Variants in SLC38A8 observed in about 807,000 individuals in gnomAD.
SLC38A8 encodes the protein solute carrier family 38 member 8, also known as amino acid transporter SLC38A8.
SLC38A8 carries 65 observed loss-of-function variants against 46.0 expected under a neutral mutation model. The observed-to-expected ratio is 1.41, with a 90% confidence interval of 1.16 to 1.74. SLC38A8 has a LOEUF of 1.74. Ranked by LOEUF, SLC38A8 falls within the 40% of genes most tolerant of loss-of-function variation. The pLI is 0.00. For synonymous variants in SLC38A8, 447 were observed against 243.7 expected (o/e 1.83, Z -7.77); for missense variants, 998 against 567.9 (o/e 1.76, Z -7.70).
At chr16:84,028,921 G>T (rs1442716919) in intron 6 of SLC38A8, among the ~76,000 whole-genome samples, 1 of 152,024 alleles carries the variant, frequency 6.6e-6, no homozygotes, top group Non-Finnish European at 1.5e-5. Context: ...CTGCCCCTCT[G>T]CCAGGATTCT....
At chr16:84,033,628 T>C (rs1333212083) in intron 3 of SLC38A8, among the ~76,000 whole-genome samples, 159 bp from the exon 4 acceptor site, 1 of 152,078 alleles carries the variant, frequency 6.6e-6, no homozygotes, top group Non-Finnish European at 1.5e-5. Flanking sequence ...ACAGGTCACG[T>C]GCCCCACGCA....
intron 3 of SLC38A8, among the ~76,000 whole-genome samples, chr16:84,036,041 C>T (rs2085296135): frequency 6.6e-6 from 1 of 152,206 alleles, no homozygotes; most frequent in Non-Finnish European, 1.5e-5. Context: ...TGCTGGACTA[C>T]AGAGCCAGTC....
At chr16:84,036,949 C>T (rs1438180306) in intron 2 of SLC38A8, 49 bp from the exon 3 acceptor site, 4 of 1,517,876 alleles carry the variant, frequency 2.6e-6, no homozygotes, top group Non-Finnish European at 2.7e-6. Flanking sequence ...CACAGCCCAC[C>T]CACCCCCAGC....
At chr16:84,032,892 G>A (rs1241408987) in intron 4 of SLC38A8, among the ~76,000 whole-genome samples, 2 of 151,688 alleles carry the variant, frequency 1.3e-5, no homozygotes, top group East Asian at 2.0e-4. Context: ...GGATGGGGGT[G>A]CATGTGTGGG....
chr16:84,011,745 G>C (rs776992737), intron 10 of SLC38A8, among the ~76,000 whole-genome samples: 7 of 152,192 alleles, frequency 4.6e-5, no homozygotes, highest in Non-Finnish European at 8.8e-5. Flanking sequence ...GCAGCCAGGT[G>C]TGATGGTGGG....
chr16:84,038,701 C>T (rs1014175079), intron 2 of SLC38A8, among the ~76,000 whole-genome samples: 3 of 152,202 alleles, frequency 2.0e-5, no homozygotes, highest in Non-Finnish European at 2.9e-5. Flanking sequence ...ACACCCCGGA[C>T]GGTGCCACGA....
At chr16:84,016,367 T>A (rs757782336) in intron 9 of SLC38A8, 152 bp downstream of exon 9, 1 of 781,964 alleles carries the variant, frequency 1.3e-6, no homozygotes, top group African/African-American at 1.8e-5. Context: ...AGCCTGTGCC[T>A]GGCTCAATAA....
chr16:84,028,167 G>A (rs777471374), intron 6 of SLC38A8, among the ~76,000 whole-genome samples: 6 of 152,026 alleles, frequency 3.9e-5, no homozygotes, highest in Non-Finnish European at 8.8e-5. Context: ...GAGATCCGGT[G>A]GTAAACCCTG....
intron 9 of SLC38A8, among the ~76,000 whole-genome samples, chr16:84,013,442 T>TTTTTGTTG (rs1567689213): frequency 7.0e-6 from 1 of 142,630 alleles, no homozygotes; most frequent in Non-Finnish European, 1.5e-5. Context: ...TTTTTTTTTT[T>TTTTTGTTG]TTTTTTTGAG....
intron 4 of SLC38A8, 134 bp downstream of exon 4, chr16:84,033,194 A>ATT: frequency 8.4e-7 from 1 of 1,192,066 alleles, no homozygotes; most frequent in Non-Finnish European, 1.2e-6. Flanking sequence ...TACTTGTATA[A>ATT]TTTTTTTTTC....
intron 6 of SLC38A8, among the ~76,000 whole-genome samples, chr16:84,024,317 C>G (rs534862152): frequency 1.3e-5 from 2 of 152,294 alleles, no homozygotes; most frequent in East Asian, 1.9e-4. Flanking sequence ...AATCTACATA[C>G]TGTATATGTG....
intron 6 of SLC38A8, among the ~76,000 whole-genome samples, chr16:84,027,186 C>T (rs1209251951): frequency 6.6e-6 from 1 of 152,092 alleles, no homozygotes; most frequent in Non-Finnish European, 1.5e-5. Context: ...CTCGTCTCTA[C>T]TAAAAATACA....
chr16:84,013,428 T>TTG (rs2084979643), intron 9 of SLC38A8, among the ~76,000 whole-genome samples: 1 of 99,526 alleles, frequency 1.0e-5, no homozygotes. Context: ...GTGTGTGTTT[T>TTG]TTTTTTTTTT....
At chr16:84,042,228 T>G in intron 1 of SLC38A8, 69 bp from the exon 2 acceptor site, 3 of 1,498,790 alleles carry the variant, frequency 2.0e-6, no homozygotes, top group Non-Finnish European at 2.7e-6. Context: ...CTCGATATCC[T>G]TATTTGTCTC....
chr16:84,023,856 T>C (rs998541523), intron 6 of SLC38A8, among the ~76,000 whole-genome samples: 1 of 152,202 alleles, frequency 6.6e-6, no homozygotes, highest in East Asian at 1.9e-4. Context: ...ATCGTGCCAC[T>C]GCACTCCAGC....
chr16:84,028,341 G>A (rs1407678783), intron 6 of SLC38A8, among the ~76,000 whole-genome samples: 2 of 152,086 alleles, frequency 1.3e-5, no homozygotes, highest in African/African-American at 2.4e-5. Context: ...AGCACTGTGG[G>A]AGGCCGAGGA....
chr16:84,027,419 G>A (rs2085177939), intron 6 of SLC38A8, among the ~76,000 whole-genome samples: 1 of 151,598 alleles, frequency 6.6e-6, no homozygotes, highest in African/African-American at 2.4e-5. Context: ...TAGCCGCATT[G>A]GCTGGGAGTG....
chr16:84,031,818 T>C (rs2085242269), intron 5 of SLC38A8, 49 bp downstream of exon 5: 2 of 1,521,776 alleles, frequency 1.3e-6, no homozygotes, highest in Non-Finnish European at 9.1e-7. Flanking sequence ...CAGACTCCCC[T>C]GCCGTGCCTC....
In SLC38A8 at chr16:84,009,697, G is replaced by C. The variant is rs1363693480; in HGVS notation, c.*87C>G. ...CTCTCCAGCATCTTTATGAGGAAAAGAAATGGCATCGGTCTCCTGGCTGCA... is the reference window on the plus strand; with the variant it reads ...CTCTCCAGCATCTTTATGAGGAAAACAAATGGCATCGGTCTCCTGGCTGCA... On this transcript the variant is annotated 3_prime_UTR_variant, in exon 11 of 11. Coordinates refer to ENST00000299709, the MANE Select transcript of SLC38A8 (RefSeq NM_001080442.3). 5 of 1,143,536 alleles carry C rather than the reference G, an allele frequency of 4.4e-6. No homozygotes were observed. The highest frequency in any genetic ancestry group is 5.0e-6 in the Non-Finnish European group (4 of 803,700). The allele number at this position is 1,143,536 out of a possible 1,614,324, so 70.8% of individuals were successfully genotyped here. A position where few individuals can be genotyped will look rare whatever the true frequency, so the allele number is the denominator to read the frequency against.
Sources: allele counts gnomAD v4.1 joint callset (sites outside exome capture counted in the v4.1 genomes callset), GRCh38; gene constraint gnomAD v4.1.1; transcripts MANE v1.5; gene names NCBI Gene and HGNC (gene_info 2026-07-23, HGNC 2026-07-21).